P2RY14: variants seen among roughly 807,000 people sequenced by gnomAD.
The protein encoded by P2RY14 is purinergic receptor P2Y14, also known as P2Y purinoceptor 14.
Under a neutral mutation model 0.9 loss-of-function variants are expected in P2RY14, and 2 were observed. The observed-to-expected ratio is 2.16, with a 90% CI of 0.88 to 6.79. P2RY14 has a LOEUF of 6.79. Among genes scored for constraint, P2RY14 ranks in the 30% most tolerant of loss-of-function variants. The pLI is 0.05. For synonymous variants in P2RY14, 158 were observed against 147.2 expected (o/e 1.07, Z -0.53); for missense variants, 378 against 400.1 (o/e 0.94, Z 0.47).
At chr3:151,233,355 C>T (rs952535915) in intron 1 of P2RY14, among the ~76,000 whole-genome samples, 6 of 152,190 alleles carry the variant, frequency 3.9e-5, no homozygotes, top group Admixed American at 1.3e-4. Flanking sequence ...GTGTTAATTG[C>T]TTTTAAATAT....
intron 2 of P2RY14, among the ~76,000 whole-genome samples, chr3:151,216,046 TATC>T (rs1384270580): frequency 1.3e-5 from 2 of 152,208 alleles, no homozygotes; most frequent in African/African-American, 4.8e-5. Flanking sequence ...AGTGTGTGCT[TATC>T]ATCCTGTGTC....
chr3:151,249,347 T>C (rs1309166356), intron 1 of P2RY14, among the ~76,000 whole-genome samples: 1 of 152,232 alleles, frequency 6.6e-6, no homozygotes. Flanking sequence ...TCACATGGTT[T>C]CAAACTAATT....
At chr3:151,234,855 T>C (rs1167638383) in intron 1 of P2RY14, among the ~76,000 whole-genome samples, 1 of 152,212 alleles carries the variant, frequency 6.6e-6, no homozygotes, top group African/African-American at 2.4e-5. Flanking sequence ...ATCACTCTCC[T>C]GGTGGGTAGC....
chr3:151,257,320 T>C (rs886960114), intron 1 of P2RY14, among the ~76,000 whole-genome samples: 2 of 152,252 alleles, frequency 1.3e-5, no homozygotes, highest in African/African-American at 4.8e-5. Flanking sequence ...TCTTAGACAG[T>C]TGAAACATTT....
chr3:151,231,497 T>A (rs1440531497), intron 1 of P2RY14, among the ~76,000 whole-genome samples: 1 of 152,224 alleles, frequency 6.6e-6, no homozygotes, highest in Non-Finnish European at 1.5e-5. Flanking sequence ...CAACATACTT[T>A]TGTAATAAAC....
chr3:151,235,271 C>T (rs1405721865), intron 1 of P2RY14, among the ~76,000 whole-genome samples: 1 of 152,178 alleles, frequency 6.6e-6, no homozygotes, highest in Non-Finnish European at 1.5e-5. Context: ...GATTTCTGGA[C>T]CTTTGTAAAC....
chr3:151,239,538 T>A (rs1733647508), intron 1 of P2RY14, among the ~76,000 whole-genome samples: 1 of 152,202 alleles, frequency 6.6e-6, no homozygotes, highest in Non-Finnish European at 1.5e-5. Context: ...TTGACATAAA[T>A]TTTTTTGAAA....
intron 2 of P2RY14, among the ~76,000 whole-genome samples, chr3:151,214,882 T>A (rs1727889788): frequency 6.6e-6 from 1 of 152,220 alleles, no homozygotes; most frequent in East Asian, 1.9e-4. Flanking sequence ...TGTATTTTTT[T>A]AAAACCTATG....
intron 1 of P2RY14, among the ~76,000 whole-genome samples, chr3:151,258,021 G>A (rs1483694326): frequency 6.6e-6 from 1 of 152,150 alleles, no homozygotes; most frequent in Non-Finnish European, 1.5e-5. Context: ...CTGGCATAAA[G>A]CTGTATTTAT....
In P2RY14 at chr3:151,271,498, T is replaced by C. The variant is rs550608430; in HGVS notation, c.-133+6789A>G. ...CCTTGTGACCTAGTAATTTCACTCC[T>C]AGGTGTTTACCCAGGAGAAGTGAAA... On this transcript the variant is annotated intron_variant, in intron 1 of 2. Coordinates refer to ENST00000309170, the MANE Select transcript of P2RY14 (RefSeq NM_014879.4). 3.9e-5 allele frequency among the ~76,000 whole-genome samples: 6 copies of C among 152,330 alleles called. No individual in the cohort carries two copies. The South Asian group carries it at 1.2e-3, about 32-fold the overall frequency.
At chr3:151,275,199 G>C (rs950658062) in intron 1 of P2RY14, among the ~76,000 whole-genome samples, 1 of 152,084 alleles carries the variant, frequency 6.6e-6, no homozygotes, top group Non-Finnish European at 1.5e-5. Flanking sequence ...GGAGAGTATC[G>C]AGGATCAGAT....
intron 1 of P2RY14, among the ~76,000 whole-genome samples, chr3:151,237,128 G>A (rs903363807): frequency 5.5e-5 from 8 of 144,490 alleles, no homozygotes; most frequent in Admixed American, 2.2e-4. Context: ...TGCAACCTCC[G>A]TTTCCCAGGT....
chr3:151,233,857 TTG>T (rs1334453437), intron 1 of P2RY14, among the ~76,000 whole-genome samples: 4 of 152,256 alleles, frequency 2.6e-5, no homozygotes, highest in African/African-American at 9.6e-5. Flanking sequence ...CTGTCCTGAA[TTG>T]TGTGTTTTTT....
At chr3:151,219,663 A>C (rs1728936753) in intron 1 of P2RY14, 21 bp from the exon 2 acceptor site, 1 of 152,236 alleles carries the variant, frequency 6.6e-6, no homozygotes, top group Admixed American at 6.5e-5. Flanking sequence ...CAAAACAAAA[A>C]ACCAAAGATT....
chr3:151,265,051 CT>C (rs1221306642), intron 1 of P2RY14, among the ~76,000 whole-genome samples: 1 of 152,176 alleles, frequency 6.6e-6, no homozygotes, highest in Non-Finnish European at 1.5e-5. Context: ...TCCTCTCACC[CT>C]ATTTTCCAGA....
In P2RY14 at chr3:151,256,981, C is replaced by A. The variant is rs1737943392; in HGVS notation, c.-133+21306G>T. ...CCACATATGAAGTATGTATGATTTG[C>A]CAGGAGTTAGGATACTTAACCCTGT... On this transcript the variant is annotated intron_variant, in intron 1 of 2. Coordinates refer to ENST00000309170, the MANE Select transcript of P2RY14 (RefSeq NM_014879.4). 2.0e-5 allele frequency among the ~76,000 whole-genome samples: 3 copies of A among 151,570 alleles called. No homozygotes were observed. The South Asian group carries it at 6.2e-4, about 32-fold the overall frequency.
At chr3:151,263,224 C>T (rs1739230389) in intron 1 of P2RY14, among the ~76,000 whole-genome samples, 1 of 152,178 alleles carries the variant, frequency 6.6e-6, no homozygotes, top group South Asian at 2.1e-4. Context: ...TAATCAGCCT[C>T]ACCTTCAGCT....
At chr3:151,255,475 C>T (rs769127350) in intron 1 of P2RY14, among the ~76,000 whole-genome samples, 2 of 151,954 alleles carry the variant, frequency 1.3e-5, no homozygotes, top group East Asian at 3.9e-4. Context: ...TGCGGGCAGG[C>T]GGTTTGGGTA....
At chr3:151,271,018 A>T in intron 1 of P2RY14, among the ~76,000 whole-genome samples, 1 of 62,138 alleles carries the variant, frequency 1.6e-5, no homozygotes, top group Admixed American at 2.0e-4. Context: ...CCCAAAAACC[A>T]AAAAAAAAAA....
Sources: gnomAD v4.1 joint callset for allele counts (sites outside exome capture counted in the v4.1 genomes callset) on GRCh38, gnomAD v4.1.1 for gene constraint, MANE v1.5 for transcripts, NCBI Gene and HGNC (gene_info 2026-07-23, HGNC 2026-07-21) for gene names.